PHF10: variants seen among roughly 807,000 people sequenced by gnomAD.
The protein encoded by PHF10 is PHD finger protein 10.
A neutral mutation model predicts 68.5 loss-of-function variants in PHF10; 51 were observed. The observed-to-expected ratio is 0.74, with a 90% confidence interval of 0.59 to 0.94. PHF10 has a LOEUF of 0.94. PHF10 is among the 40% of genes least tolerant of loss of function. The pLI, the probability that PHF10 is intolerant of heterozygous loss-of-function variation, is 0.00. For missense variants in PHF10, 460 were observed against 602.6 expected, an observed-to-expected ratio of 0.76 and a Z score of 2.48; for synonymous variants, 204 against 203.5, an observed-to-expected ratio of 1.00 and a Z score of -0.02.
chr6:169,712,117 T>C (rs1161152519), intron 8 of PHF10, among the ~76,000 whole-genome samples: 2 of 152,208 alleles, frequency 1.3e-5, no homozygotes, highest in East Asian at 1.9e-4. Flanking sequence ...AGACAGCAAG[T>C]TGAATAAATG....
chr6:169,705,474 G>T, intron 10 of PHF10, 142 bp downstream of exon 10: 1 of 711,926 alleles, frequency 1.4e-6, no homozygotes. Flanking sequence ...GAAAACACAT[G>T]GGCTGTGTCT....
chr6:169,712,439 C>A lies in PHF10; in HGVS notation c.904G>T (p.Asp302Tyr). Residue 302 changes from aspartate (D) to tyrosine (Y), a missense_variant, in exon 8 of 12, where the codon GAT (aspartate) becomes TAT (tyrosine). Coordinates refer to ENST00000339209, the MANE Select transcript of PHF10 (RefSeq NM_018288.4). ...TCACCTCGACCATCTTCGCCATCAT[C>A]TGAATCACCATCACTGTCTAGAGCA... The part of the protein sequence containing the change: ...LPALDSDGDS[D>Y]DGEDGRGDEK... 1 of 1,614,084 alleles carries A rather than the reference C, an allele frequency of 6.2e-7. No individual in the cohort carries two copies. Among genetic ancestry groups the A allele is most frequent in the Non-Finnish European group, 8.5e-7 (1 of 1,179,960 alleles).
chr6:169,718,530 C>T (rs746195535), intron 3 of PHF10, among the ~76,000 whole-genome samples: 5 of 152,070 alleles, frequency 3.3e-5, no homozygotes, highest in African/African-American at 7.2e-5. Context: ...ATCTGCCACG[C>T]GTCGTGGTGC....
intron 3 of PHF10, among the ~76,000 whole-genome samples, chr6:169,718,442 G>C (rs994778815): frequency 6.6e-6 from 1 of 152,164 alleles, no homozygotes; most frequent in African/African-American, 2.4e-5. Flanking sequence ...CAGCAGGATA[G>C]CTTGAAGCCA....
At chr6:169,719,165 T>G in intron 2 of PHF10, 1 of 300,598 alleles carries the variant, frequency 3.3e-6, no homozygotes, top group Non-Finnish European at 6.2e-6. Flanking sequence ...AGAATCACAA[T>G]TGCTAAGAAC....
chr6:169,714,662 A>T, intron 7 of PHF10, 71 bp downstream of exon 7: 1 of 780,150 alleles, frequency 1.3e-6, no homozygotes. Flanking sequence ...AATTGTTAGG[A>T]GGCAAGTACA....
At chr6:169,713,165 C>T (rs2128329955) in intron 7 of PHF10, among the ~76,000 whole-genome samples, 1 of 152,306 alleles carries the variant, frequency 6.6e-6, no homozygotes, top group Admixed American at 6.5e-5. Context: ...GTGCCACCTC[C>T]ATTCTCACCC....
At position 169,705,672 on chromosome 6, in the gene PHF10, G is replaced by T; in HGVS notation, c.1166C>A (p.Ser389Tyr). ...ICGICLKGKE[S>Y]NKKGKAESLI... ...TGATTCAGCCTTTCCTTTCTTGTTG[G>T]ACTCCTTACCCTTCAGACAAATTCC... Residue 389 changes from serine (S) to tyrosine (Y), a missense_variant, in exon 10 of 12, where the codon TCC (serine) becomes TAC (tyrosine). Around this residue, in one of 3 missense-constraint regions of PHF10, gnomAD observed 256 missense variants for 410.5 expected, o/e 0.62. Transcript: ENST00000339209. 6.3e-7 allele frequency: 1 copy of T among 1,595,226 alleles called. No individual in the cohort carries two copies. Among genetic ancestry groups the T allele is most frequent in the Non-Finnish European group, 8.6e-7 (1 of 1,162,942 alleles).
intron 9 of PHF10, chr6:169,709,449 T>C (rs1788879391): frequency 6.6e-6 from 1 of 152,172 alleles, no homozygotes; most frequent in South Asian, 2.1e-4. Flanking sequence ...TACAGCTAAT[T>C]CTTCCTTTTA....
chr6:169,718,408 T>G (rs1008466827), intron 3 of PHF10, among the ~76,000 whole-genome samples: 1 of 152,188 alleles, frequency 6.6e-6, no homozygotes. Flanking sequence ...ACACCTGTAA[T>G]CCTAGCAATT....
At chr6:169,705,833 T>C in intron 9 of PHF10, 109 bp from the exon 10 acceptor site, 1 of 682,574 alleles carries the variant, frequency 1.5e-6, no homozygotes, top group Non-Finnish European at 2.7e-6. Flanking sequence ...AACTTGCTAA[T>C]GAGGACCATT....
intron 1 of PHF10, among the ~76,000 whole-genome samples, chr6:169,722,321 A>G (rs944361367): frequency 6.6e-6 from 1 of 152,176 alleles, no homozygotes; most frequent in African/African-American, 2.4e-5. Context: ...ACTCTCTGAA[A>G]ATTTGCATAA....
intron 11 of PHF10, 48 bp from the exon 12 acceptor site, chr6:169,704,136 C>T: frequency 4.2e-6 from 6 of 1,424,826 alleles, no homozygotes; most frequent in Non-Finnish European, 5.7e-6. Flanking sequence ...CTTTACAGGA[C>T]TGAATTTTAA....
rs1789278838 is a variant in PHF10, at chr6:169,724,451, C to CT, written c.-521_-520insA. On this transcript the variant is annotated 5_prime_UTR_variant, in exon 1 of 12. Transcript: ENST00000339209. Reference sequence around the variant, plus strand: ...CCCGCCGCTCCCCTCAGCCCCGCGGCCGCCTCAGCCCCGCCGCCGCCTGGC... The same window carrying CT: ...CCCGCCGCTCCCCTCAGCCCCGCGGCTCGCCTCAGCCCCGCCGCCGCCTGGC... Among the ~76,000 whole-genome samples, 6 of 142,402 alleles carry CT rather than the reference C, an allele frequency of 4.2e-5. No individual in the cohort carries two copies. The highest frequency in any genetic ancestry group is 1.3e-4 in the African/African-American group (5 of 39,132). 93.4% of individuals were successfully genotyped at this position (142,402 alleles called of 152,430 possible). A position where few individuals can be genotyped will look rare whatever the true frequency, so the allele number is the denominator to read the frequency against.
intron 9 of PHF10, among the ~76,000 whole-genome samples, chr6:169,706,793 GA>G (rs1788810699): frequency 2.0e-5 from 3 of 147,562 alleles, no homozygotes; most frequent in Non-Finnish European, 4.5e-5. Context: ...GATGAACTGG[GA>G]AAATAATTAT....
At chr6:169,721,171 T>C in intron 1 of PHF10, 60 bp from the exon 2 acceptor site, 1 of 954,976 alleles carries the variant, frequency 1.0e-6, no homozygotes, top group Non-Finnish European at 1.6e-6. Context: ...ACAGTAAGTC[T>C]CAATAAATGA....
At chr6:169,720,892 A>C in intron 2 of PHF10, 113 bp downstream of exon 2, 1 of 616,322 alleles carries the variant, frequency 1.6e-6, no homozygotes. Flanking sequence ...CAGGAAGAAA[A>C]TATTCTACAA....
Position 169,710,270 on chromosome 6 carries a change from C to T in PHF10, c.1079G>A (p.Arg360His), listed in dbSNP as rs780812700. The change falls in exon 9 of 12, where the codon CGT becomes CAT. Residue 360 changes from arginine (R) to histidine (H), a missense_variant. Physicochemically the swap from Arg to His is conservative, Grantham distance 29. This residue lies in a region of PHF10 where 256 missense variants were observed against 410.5 expected (regional missense o/e 0.62). Coordinates refer to ENST00000339209, the MANE Select transcript of PHF10 (RefSeq NM_018288.4). Reference protein sequence around the residue: ...AATPRKDGPKRSVLSKSVPGY... With the variant: ...AATPRKDGPKHSVLSKSVPGY... The stretch of plus-strand genomic sequence containing the variant: ...AGGAACTGACTTGGACAGTACAGAA[C>T]GTTTGGGACCATCTTTTCTTGGAGT... 5.0e-6 allele frequency: 8 copies of T among 1,612,728 alleles called. No individual in the cohort carries two copies. The highest frequency in any genetic ancestry group is 6.8e-6 in the Non-Finnish European group (8 of 1,179,580).
At position 169,716,064 on chromosome 6, in the gene PHF10, T is replaced by TCATCACTG; in HGVS notation, c.426_433dup (p.Glu145AlafsTer5). 1 of 1,606,592 alleles carries TCATCACTG rather than the reference T, an allele frequency of 6.2e-7. No homozygotes were observed. Among genetic ancestry groups the TCATCACTG allele is most frequent in the Non-Finnish European group, 8.5e-7 (1 of 1,176,170 alleles). ...TTCTTTTATCATTAAATCAATCACT[T>TCATCACTG]CATCACTGCGCAATGCTGTTAAGCC... On this transcript the variant is annotated frameshift_variant, in exon 5 of 12. Transcript: ENST00000339209. LOFTEE classifies it high-confidence loss of function.
Sources: allele counts gnomAD v4.1 joint callset (sites outside exome capture counted in the v4.1 genomes callset), GRCh38; gene constraint gnomAD v4.1.1; regional missense constraint gnomAD v4.1.1; transcripts MANE v1.5; gene names NCBI Gene and HGNC (gene_info 2026-07-23, HGNC 2026-07-21).